The following BMPR2 variants were observed in gnomAD, a reference collection of about 807,000 sequenced individuals.
BMPR2 encodes the protein bone morphogenetic protein receptor type 2.
A neutral mutation model predicts 100.8 loss-of-function variants in BMPR2; 29 were observed. The ratio of observed to expected loss-of-function variants is 0.29; its 90% CI spans 0.21 to 0.39. BMPR2 has a LOEUF of 0.39. Among genes scored for constraint, BMPR2 ranks in the 10% least tolerant of loss-of-function variants. The pLI is 1.00. For synonymous variants in BMPR2, 382 were observed against 442.3 expected, an observed-to-expected ratio of 0.86 and a Z score of 1.71; for missense variants, 1,011 against 1,274.5, an observed-to-expected ratio of 0.79 and a Z score of 3.15.
chr2:202,494,778 T>C (rs112752894), intron 3 of BMPR2, among the ~76,000 whole-genome samples: 33 of 152,254 alleles, frequency 2.2e-4, no homozygotes, highest in Admixed American at 3.9e-4. Context: ...AAAGGCCTCT[T>C]TTGCACGTAC....
chr2:202,482,688 G>A (rs1574471231), intron 3 of BMPR2, among the ~76,000 whole-genome samples: 2 of 151,934 alleles, frequency 1.3e-5, no homozygotes, highest in Admixed American at 6.6e-5. Flanking sequence ...ACAGGCACCC[G>A]CCACTATGTC....
At position 202,555,386 on chromosome 2, in the gene BMPR2, G is replaced by T; in HGVS notation, c.1721G>T (p.Ser574Ile). 6.2e-7 allele frequency: 1 copy of T among 1,614,092 alleles called. No individual in the cohort carries two copies. Reference sequence around the variant, plus strand: ...ATTTCCTCTGAGCATTCTATGTCCAGCACACCTTTGACTATAGGGGAAAAA... The same window carrying T: ...ATTTCCTCTGAGCATTCTATGTCCATCACACCTTTGACTATAGGGGAAAAA... ...KNISSEHSMSSTPLTIGEKNR... is the reference protein window; with the variant it reads ...KNISSEHSMSITPLTIGEKNR... The change falls in exon 12 of 13, where the codon AGC becomes ATC. Residue 574 changes from serine (S) to isoleucine (I), a missense_variant. Physicochemically the swap from Ser to Ile is moderately radical, Grantham distance 142. Transcript: ENST00000374580.
At chr2:202,425,713 A>C (rs1167124271) in intron 1 of BMPR2, among the ~76,000 whole-genome samples, 2 of 152,246 alleles carry the variant, frequency 1.3e-5, no homozygotes, top group Non-Finnish European at 2.9e-5. Context: ...AATAAATCTT[A>C]TTTAAAAAAT....
Position 202,532,784 on chromosome 2 carries a change from T to A in BMPR2, c.1276+52T>A, listed in dbSNP as rs777942505. 38 of 1,577,294 alleles carry A rather than the reference T, an allele frequency of 2.4e-5. No homozygotes were observed. The highest frequency in any genetic ancestry group is 3.3e-5 in the Non-Finnish European group (38 of 1,157,232). On this transcript the variant is annotated intron_variant, in intron 9 of 12. Coordinates refer to ENST00000374580, the MANE Select transcript of BMPR2 (RefSeq NM_001204.7). The surrounding 1 kb of genome is among the most constrained non-coding windows in gnomAD (Gnocchi z 4.1). ...TTTTTTGAAGTGAAGCAGTTATATC[T>A]TCTTTCTCTACCTATAGTACCTAAC...
At chr2:202,535,220 C>G (rs372810424) in intron 9 of BMPR2, among the ~76,000 whole-genome samples, 1 of 151,604 alleles carries the variant, frequency 6.6e-6, no homozygotes, top group African/African-American at 2.4e-5. Flanking sequence ...GGGTGGCTGC[C>G]GGGCGGAGAC....
chr2:202,539,597 T>G (rs1206308088), intron 9 of BMPR2, among the ~76,000 whole-genome samples: 2 of 141,826 alleles, frequency 1.4e-5, no homozygotes, highest in African/African-American at 3.1e-5. Context: ...GGAAACACTA[T>G]GTAATGAAGG....
intron 1 of BMPR2, among the ~76,000 whole-genome samples, chr2:202,398,805 G>A (rs1690703441): frequency 6.6e-6 from 1 of 152,154 alleles, no homozygotes; most frequent in Non-Finnish European, 1.5e-5. Context: ...CTGGATCCCT[G>A]ACTTCAATGG....
rs1692027144 is a variant in BMPR2, at chr2:202,453,337, A to G, written c.77-11472A>G. On this transcript the variant is annotated intron_variant, in intron 1 of 12. Transcript: ENST00000374580. ...TATACCCAAAAGGAAGGAAATCAGT[A>G]TATCAAAGAGATGTTTGCACTCCCC... Among the ~76,000 whole-genome samples the G allele has an allele frequency of 3.3e-5, 5 of 152,128 alleles. No homozygotes were observed. The South Asian group carries it at 1.0e-3, about 31-fold the overall frequency.
At chr2:202,425,279 T>A (rs1247872040) in intron 1 of BMPR2, among the ~76,000 whole-genome samples, 1 of 152,136 alleles carries the variant, frequency 6.6e-6, no homozygotes, top group Non-Finnish European at 1.5e-5. Flanking sequence ...CCAGAATAGA[T>A]TCAGTCTGCC....
chr2:202,426,153 G>T (rs768239319), intron 1 of BMPR2, among the ~76,000 whole-genome samples: 4 of 152,200 alleles, frequency 2.6e-5, no homozygotes, highest in Non-Finnish European at 5.9e-5. Context: ...GTGGCCAGAA[G>T]TAACACTTTA....
intron 9 of BMPR2, among the ~76,000 whole-genome samples, chr2:202,534,791 G>T (rs1194340526): frequency 1.3e-5 from 2 of 151,998 alleles, no homozygotes; most frequent in Non-Finnish European, 2.9e-5. Flanking sequence ...CTCCCAGACG[G>T]GGTGGTGGCC....
At chr2:202,517,211 C>T (rs899487987) in intron 5 of BMPR2, among the ~76,000 whole-genome samples, 29 of 145,112 alleles carry the variant, frequency 2.0e-4, no homozygotes, top group Middle Eastern at 7.2e-3. Flanking sequence ...AAGAGCAAGA[C>T]TATCTCAATT....
At chr2:202,485,800 C>T (rs563915744) in intron 3 of BMPR2, among the ~76,000 whole-genome samples, 33 of 151,882 alleles carry the variant, frequency 2.2e-4, no homozygotes, top group Admixed American at 3.9e-4. Context: ...CCGCCTGGGC[C>T]TCCCAAAGTG....
At chr2:202,475,698 T>A (rs7597257) in intron 3 of BMPR2, among the ~76,000 whole-genome samples, 11 of 152,164 alleles carry the variant, frequency 7.2e-5, no homozygotes, top group African/African-American at 9.6e-5. Context: ...ACATTACTTA[T>A]TTGCCTGATG....
At chr2:202,516,699 T>C (rs1687719501) in intron 5 of BMPR2, among the ~76,000 whole-genome samples, 1 of 151,604 alleles carries the variant, frequency 6.6e-6, no homozygotes, top group Non-Finnish European at 1.5e-5. Context: ...AAGAAGTAAG[T>C]GTGGCTAAGA....
chr2:202,411,661 T>A (rs1691015240), intron 1 of BMPR2, among the ~76,000 whole-genome samples: 1 of 152,172 alleles, frequency 6.6e-6, no homozygotes. Context: ...AAACAGTGGC[T>A]TTCTATACGT....
At chr2:202,423,214 A>G (rs945480744) in intron 1 of BMPR2, among the ~76,000 whole-genome samples, 1 of 152,168 alleles carries the variant, frequency 6.6e-6, no homozygotes, top group African/African-American at 2.4e-5. Context: ...AAAAAATAAC[A>G]TGGCTAGGCT....
At chr2:202,520,559 C>G in intron 7 of BMPR2, 1 of 307,804 alleles carries the variant, frequency 3.2e-6, no homozygotes, top group Non-Finnish European at 6.2e-6. Flanking sequence ...CCTCTGCAAG[C>G]GGACAAGCAC....
chr2:202,548,815 C>T (rs188614067), intron 10 of BMPR2, among the ~76,000 whole-genome samples: 214 of 152,182 alleles, frequency 1.4e-3, no homozygotes, highest in African/African-American at 4.8e-3. Context: ...TTTCAAAGGA[C>T]GCATCAGATT....
Sources: gnomAD v4.1 joint callset for allele counts (sites outside exome capture counted in the v4.1 genomes callset) on GRCh38, gnomAD v4.1.1 for gene constraint, Gnocchi (gnomAD v3.1) non-coding constraint, MANE v1.5 for transcripts, NCBI Gene and HGNC (gene_info 2026-07-23, HGNC 2026-07-21) for gene names.